Variants in PTPRT observed in about 807,000 individuals in gnomAD.
PTPRT encodes the protein protein tyrosine phosphatase receptor type T, also known as receptor-type tyrosine-protein phosphatase T.
In PTPRT, 56 loss-of-function variants were observed where a neutral mutation model predicts 176.8. The ratio of observed to expected loss-of-function variants is 0.32; its 90% confidence interval spans 0.26 to 0.40. The LOEUF (loss-of-function observed/expected upper bound fraction) is 0.40, where lower values mean the gene tolerates loss of function less well. PTPRT is among the 10% of genes least tolerant of loss of function. The probability of loss-of-function intolerance (pLI) is 1.00; values close to 1 mark genes in which losing one functional copy is unlikely to be tolerated. For missense variants in PTPRT, 1,540 were observed against 1,908.2 expected, an observed-to-expected ratio of 0.81 and a Z score of 3.60; for synonymous variants, 783 against 739.0, an observed-to-expected ratio of 1.06 and a Z score of -0.96.
At chr20:43,095,046 C>T (rs2012070360) in intron 1 of PTPRT, among the ~76,000 whole-genome samples, 1 of 152,156 alleles carries the variant, frequency 6.6e-6, no homozygotes, top group Non-Finnish European at 1.5e-5. Flanking sequence ...CCAAAAAGAG[C>T]AGGACCAGTG....
chr20:43,060,318 G>C (rs904881459), intron 1 of PTPRT, among the ~76,000 whole-genome samples: 1 of 152,184 alleles, frequency 6.6e-6, no homozygotes, highest in Non-Finnish European at 1.5e-5. Flanking sequence ...CCTGCGTCCT[G>C]GAACATGGAT....
chr20:42,587,262 G>T (rs1430665827), intron 7 of PTPRT, among the ~76,000 whole-genome samples: 1 of 152,168 alleles, frequency 6.6e-6, no homozygotes, highest in Non-Finnish European at 1.5e-5. Context: ...TTCCCACGGT[G>T]GGCTGGGTCA....
At chr20:42,941,126 T>C (rs1980527777) in intron 1 of PTPRT, among the ~76,000 whole-genome samples, 1 of 151,878 alleles carries the variant, frequency 6.6e-6, no homozygotes, top group Admixed American at 6.5e-5. Context: ...ACTTCTGTTA[T>C]GCGGTTCTAC....
intron 12 of PTPRT, 103 bp from the exon 13 acceptor site, chr20:42,282,628 T>C (rs952120393): frequency 2.4e-6 from 2 of 841,652 alleles, no homozygotes; most frequent in Non-Finnish European, 3.6e-6. Context: ...TATTCATGCA[T>C]ATGTATTTTT....
At chr20:42,741,947 G>C (rs149727489) in intron 6 of PTPRT, among the ~76,000 whole-genome samples, 57 of 152,176 alleles carry the variant, frequency 3.7e-4, no homozygotes, top group Admixed American at 3.7e-3. Context: ...GCAGATGCAT[G>C]CAAATATATC....
chr20:42,171,148 A>G (rs1990064144), intron 16 of PTPRT, among the ~76,000 whole-genome samples: 1 of 152,190 alleles, frequency 6.6e-6, no homozygotes, highest in African/African-American at 2.4e-5. Flanking sequence ...CTGACACATA[A>G]AGAATAAGAA....
rs1600961419 is a variant in PTPRT at position 42,401,524 on chromosome 20, A to AACACACACAT, written c.1560+46686_1560+46695dup. Among the ~76,000 whole-genome samples, 3 of 152,250 alleles carry AACACACACAT rather than the reference A, an allele frequency of 2.0e-5. No homozygotes were observed. In the East Asian group the frequency reaches 5.8e-4, roughly 29 times the overall value. On this transcript the variant is annotated intron_variant, in intron 9 of 30. Coordinates refer to ENST00000373187, the MANE Select transcript of PTPRT (RefSeq NM_007050.6). ...TTAATCAGCACTTTGCAGAACAGGAAACACACACATACACACACACGAAAG... is the reference window on the plus strand; with the variant it reads ...TTAATCAGCACTTTGCAGAACAGGAAACACACACATACACACACATACACACACACGAAAG...
chr20:43,074,999 T>C (rs1166843294), intron 1 of PTPRT, among the ~76,000 whole-genome samples: 1 of 152,220 alleles, frequency 6.6e-6, no homozygotes, highest in Non-Finnish European at 1.5e-5. Flanking sequence ...CCAGAGCTTT[T>C]GCATAGGCTC....
intron 2 of PTPRT, among the ~76,000 whole-genome samples, chr20:42,846,401 G>C (rs1328622061): frequency 6.6e-6 from 1 of 152,134 alleles, no homozygotes; most frequent in African/African-American, 2.4e-5. Context: ...AGCTTCCAAA[G>C]CACTAAAGCC....
In PTPRT at chr20:42,410,054, C is replaced by T. The variant is rs185941395; in HGVS notation, c.1560+38166G>A. ...TTGTTCCAGAAATTTTGAAAAACAA[C>T]GGTAACTATGATGTTTCATGCAAAA... On this transcript the variant is annotated intron_variant, in intron 9 of 30. Coordinates refer to ENST00000373187, the MANE Select transcript of PTPRT (RefSeq NM_007050.6). 5.9e-5 allele frequency among the ~76,000 whole-genome samples: 9 copies of T among 152,012 alleles called. No homozygotes were observed. In the East Asian group the frequency reaches 7.7e-4, roughly 13 times the overall value.
At chr20:42,209,567 G>A (rs917146679) in intron 15 of PTPRT, among the ~76,000 whole-genome samples, 2 of 152,182 alleles carry the variant, frequency 1.3e-5, no homozygotes, top group Non-Finnish European at 2.9e-5. Context: ...TAAATTCCTT[G>A]ACACATACAC....
intron 4 of PTPRT, among the ~76,000 whole-genome samples, chr20:42,776,265 T>C (rs2077134270): frequency 6.6e-6 from 1 of 152,240 alleles, no homozygotes; most frequent in Admixed American, 6.5e-5. Context: ...TGGTCTGAAC[T>C]GTGTCTCCCC....
At chr20:42,909,032 G>A (rs2145929457) in intron 1 of PTPRT, among the ~76,000 whole-genome samples, 1 of 152,246 alleles carries the variant, frequency 6.6e-6, no homozygotes. Flanking sequence ...GCATGTACCT[G>A]TAGTCCCAGC....
At chr20:42,641,224 C>A (rs1600529865) in intron 7 of PTPRT, among the ~76,000 whole-genome samples, 1 of 152,088 alleles carries the variant, frequency 6.6e-6, no homozygotes, top group Non-Finnish European at 1.5e-5. Flanking sequence ...TTTTTAAGAC[C>A]TTTCATACAC....
chr20:42,401,394 T>C (rs2058905961), intron 9 of PTPRT, among the ~76,000 whole-genome samples: 1 of 152,104 alleles, frequency 6.6e-6, no homozygotes, highest in Non-Finnish European at 1.5e-5. Context: ...AAAGTGTTAA[T>C]AATGATAATA....
chr20:42,491,084 GA>G (rs916346304), intron 7 of PTPRT, among the ~76,000 whole-genome samples: 53 of 151,658 alleles, frequency 3.5e-4, no homozygotes, highest in Non-Finnish European at 6.8e-4. Context: ...CACGAACATT[GA>G]AAAAAAACTT....
At chr20:43,149,759 C>G (rs1285742207) in intron 1 of PTPRT, among the ~76,000 whole-genome samples, 1 of 152,180 alleles carries the variant, frequency 6.6e-6, no homozygotes, top group Non-Finnish European at 1.5e-5. Flanking sequence ...AAATCATAAC[C>G]CTCATCTACC....
intron 7 of PTPRT, among the ~76,000 whole-genome samples, chr20:42,630,600 G>A (rs79759218): frequency 0.017 from 2,534 of 152,178 alleles, 79 homozygotes; most frequent in African/African-American, 0.056. Context: ...GATTCAGAAG[G>A]TAAAGACAAT....
chr20:42,971,239 C>G (rs1982619747), intron 1 of PTPRT: 1 of 152,208 alleles, frequency 6.6e-6, no homozygotes, highest in Admixed American at 6.5e-5. Flanking sequence ...ATTGCTGTAT[C>G]TGAAAGTGCT....
Sources: gnomAD v4.1 joint callset for allele counts (sites outside exome capture counted in the v4.1 genomes callset) on GRCh38, gnomAD v4.1.1 for gene constraint, MANE v1.5 for transcripts, NCBI Gene and HGNC (gene_info 2026-07-23, HGNC 2026-07-21) for gene names.